The following FERMT2 variants were observed in gnomAD, a reference collection of about 807,000 sequenced individuals.
FERMT2 encodes FERM domain containing kindlin 2.
A neutral mutation model predicts 82.7 loss-of-function variants in FERMT2; 15 were observed. That is an observed-to-expected ratio of 0.18 (90% CI 0.12 to 0.28). The LOEUF is 0.28. Among genes scored for constraint, FERMT2 ranks in the 10% least tolerant of loss-of-function variants. The probability of loss-of-function intolerance (pLI) is 1.00; values close to 1 mark genes in which losing one functional copy is unlikely to be tolerated. For synonymous variants in FERMT2, 274 were observed against 271.5 expected (o/e 1.01, Z -0.09); for missense variants, 645 against 809.4 (o/e 0.80, Z 2.46).
At chr14:52,873,629 T>G (rs948491347) in intron 9 of FERMT2, 1 of 152,394 alleles carries the variant, frequency 6.6e-6, no homozygotes, top group Non-Finnish European at 1.5e-5. Flanking sequence ...GTTTTGTATC[T>G]TATATAGTAG....
chr14:52,860,965 T>C, intron 12 of FERMT2: 2 of 1,377,684 alleles, frequency 1.5e-6, no homozygotes, highest in Non-Finnish European at 9.9e-7. Context: ...GTTGTGGCTA[T>C]GAATTTTTAT....
At chr14:52,858,594 G>A (rs569399329) in intron 14 of FERMT2, 44 bp from the exon 15 acceptor site, 2 of 1,593,192 alleles carry the variant, frequency 1.3e-6, no homozygotes, top group African/African-American at 1.3e-5. Flanking sequence ...CAAATGCTAG[G>A]TGGCTGGGTC....
intron 2 of FERMT2, among the ~76,000 whole-genome samples, chr14:52,949,230 C>T (rs1890499674): frequency 6.6e-6 from 1 of 152,034 alleles, no homozygotes; most frequent in Admixed American, 6.6e-5. Context: ...GCAGGTCCAC[C>T]CAAATGAATC....
Position 52,881,067 on chromosome 14 carries a change from T to C in FERMT2, c.824A>G (p.Lys275Arg), listed in dbSNP as rs1466801976. The C allele has an allele frequency of 1.2e-6, 2 of 1,613,168 alleles. No homozygotes were observed. Among genetic ancestry groups the C allele is most frequent in the Admixed American group, 1.7e-5 (1 of 59,964 alleles). Residue 275 changes from lysine (K) to arginine (R), a missense_variant, in exon 6 of 15, where the codon AAG (lysine) becomes AGG (arginine). Lys to Arg is a conservative substitution (Grantham distance 26). Coordinates refer to ENST00000341590, the MANE Select transcript of FERMT2 (RefSeq NM_006832.3). Reference sequence around the variant, plus strand: ...ATTCAAATCAAAAAAGCTGTAATACTTGAATCGGAGCAGCAAGGCCTCATT... The same window carrying C: ...ATTCAAATCAAAAAAGCTGTAATACCTGAATCGGAGCAGCAAGGCCTCATT... ...KENEALLLRFKYYSFFDLNPK... is the reference protein window; with the variant it reads ...KENEALLLRFRYYSFFDLNPK...
intron 3 of FERMT2, among the ~76,000 whole-genome samples, chr14:52,897,040 ACACACAC>A (rs1466261169): frequency 5.0e-5 from 6 of 119,424 alleles, no homozygotes; most frequent in African/African-American, 1.6e-4. Flanking sequence ...ACACACACAC[ACACACAC>A]ACCATGGTAG....
chr14:52,931,617 G>A (rs1417714632), intron 2 of FERMT2, among the ~76,000 whole-genome samples: 1 of 152,132 alleles, frequency 6.6e-6, no homozygotes, highest in African/African-American at 2.4e-5. Flanking sequence ...AGGTGAAGAG[G>A]GGAAGCTAGA....
chr14:52,917,919 T>C (rs965117553), intron 3 of FERMT2, among the ~76,000 whole-genome samples: 6 of 152,196 alleles, frequency 3.9e-5, no homozygotes, highest in Admixed American at 6.5e-5. Context: ...GCTTGAGGCA[T>C]TGTACAGGAG....
At chr14:52,860,898 T>TAATC in intron 12 of FERMT2, 1 of 762,698 alleles carries the variant, frequency 1.3e-6, no homozygotes, top group South Asian at 1.7e-5. Flanking sequence ...GAAATCACCA[T>TAATC]AATCATTTCT....
At chr14:52,893,208 A>G (rs1222464572) in intron 4 of FERMT2, 85 bp downstream of exon 4, 1 of 1,278,436 alleles carries the variant, frequency 7.8e-7, no homozygotes, top group Non-Finnish European at 1.1e-6. Context: ...CCTGACCTAC[A>G]TGATCCATTT....
chr14:52,905,232 G>A (rs1245569836), intron 3 of FERMT2, among the ~76,000 whole-genome samples: 1 of 149,660 alleles, frequency 6.7e-6, no homozygotes. Context: ...AACATCAACA[G>A]ATACCTAAAA....
chr14:52,899,605 T>C (rs1977350), intron 3 of FERMT2, among the ~76,000 whole-genome samples: 122,831 of 152,192 alleles, frequency 0.81, 49,767 homozygotes, highest in East Asian at 1. Context: ...TAATCACTAG[T>C]TTAGGGAAGG....
At chr14:52,873,851 A>T (rs763740807) in intron 9 of FERMT2, 3 of 207,684 alleles carry the variant, frequency 1.4e-5, no homozygotes, top group African/African-American at 2.3e-5. Context: ...GCAGTGACAC[A>T]GTTCATTATG....
intron 9 of FERMT2, among the ~76,000 whole-genome samples, chr14:52,873,973 A>G (rs1885799775): frequency 6.6e-6 from 1 of 151,144 alleles, no homozygotes; most frequent in South Asian, 2.1e-4. Context: ...TTAAAGAAAA[A>G]TCTGATAAAA....
At chr14:52,870,631 G>A (rs1479300537) in intron 10 of FERMT2, among the ~76,000 whole-genome samples, 1 of 152,194 alleles carries the variant, frequency 6.6e-6, no homozygotes, top group African/African-American at 2.4e-5. Context: ...ATTCAGTACA[G>A]TAAAATGCTG....
At chr14:52,880,406 T>C (rs530278604) in intron 6 of FERMT2, among the ~76,000 whole-genome samples, 3 of 152,326 alleles carry the variant, frequency 2.0e-5, no homozygotes, top group Admixed American at 6.5e-5. Flanking sequence ...AATTCTTTTT[T>C]TTGTTTGTTT....
intron 3 of FERMT2, among the ~76,000 whole-genome samples, chr14:52,902,868 C>CAAAAAAAAAAAAAAAAAA (rs1252336097): frequency 1.4e-3 from 8 of 5,542 alleles, no homozygotes; most frequent in Non-Finnish European, 2.1e-3. Flanking sequence ...GACTCCGTCT[C>CAAAAAAAAAAAAAAAAAA]AAAAAAAAAA....
intron 2 of FERMT2, among the ~76,000 whole-genome samples, chr14:52,930,734 T>G (rs1326101290): frequency 2.6e-5 from 4 of 152,230 alleles, no homozygotes; most frequent in Non-Finnish European, 5.9e-5. Flanking sequence ...AGTTTTTAAC[T>G]TGCTTTCCTT....
chr14:52,905,863 G>A (rs534956472), intron 3 of FERMT2, among the ~76,000 whole-genome samples: 1 of 152,336 alleles, frequency 6.6e-6, no homozygotes, highest in African/African-American at 2.4e-5. Flanking sequence ...TAATGCTTCA[G>A]TGAGCATATG....
At chr14:52,912,250 T>A (rs1349005162) in intron 3 of FERMT2, among the ~76,000 whole-genome samples, 1 of 152,220 alleles carries the variant, frequency 6.6e-6, no homozygotes, top group Non-Finnish European at 1.5e-5. Flanking sequence ...CCCTTTTGTT[T>A]TCGACAATTT....
Sources: allele counts gnomAD v4.1 joint callset (sites outside exome capture counted in the v4.1 genomes callset), GRCh38; gene constraint gnomAD v4.1.1; transcripts MANE v1.5; gene names NCBI Gene and HGNC (gene_info 2026-07-23, HGNC 2026-07-21).